The following RIMKLB variants were observed in gnomAD, a reference collection of about 807,000 sequenced individuals.
The protein encoded by RIMKLB is ribosomal modification protein rimK like family member B, also known as beta-citrylglutamate synthase B.
A neutral mutation model predicts 32.0 loss-of-function variants in RIMKLB; 7 were observed. The ratio of observed to expected loss-of-function variants is 0.22; its 90% CI spans 0.12 to 0.41. The LOEUF (loss-of-function observed/expected upper bound fraction) is 0.41. Among genes scored for constraint, RIMKLB ranks in the 10% least tolerant of loss-of-function variants. RIMKLB has a pLI of 1.00. For missense variants in RIMKLB, 289 were observed against 498.7 expected, an observed-to-expected ratio of 0.58 and a Z score of 4.00; for synonymous variants, 172 against 185.1, an observed-to-expected ratio of 0.93 and a Z score of 0.57.
downstream of RIMKLB, chr12:8,777,796 C>G: frequency 1.4e-6 from 1 of 737,438 alleles, no homozygotes; most frequent in South Asian, 4.0e-5. Flanking sequence ...CCCCAGTCTG[C>G]CTACAGGTAA....
At chr12:8,738,985 T>G (rs1184371635) in intron 2 of RIMKLB, among the ~76,000 whole-genome samples, 1 of 152,206 alleles carries the variant, frequency 6.6e-6, no homozygotes, top group Non-Finnish European at 1.5e-5. Flanking sequence ...CTTTGTCACA[T>G]TTGAGGTTAA....
chr12:8,691,548 T>C (rs1942733697), intron 1 of RIMKLB, among the ~76,000 whole-genome samples: 1 of 151,902 alleles, frequency 6.6e-6, no homozygotes, highest in Admixed American at 6.6e-5. Flanking sequence ...AGGCAAAGGT[T>C]GGAGTAGAGA....
chr12:8,679,787 T>G (rs1306602321), upstream of RIMKLB: 1 of 152,124 alleles, frequency 6.6e-6, no homozygotes, highest in Non-Finnish European at 1.5e-5. Flanking sequence ...AAAGATGAGG[T>G]GAGGCCTGAG....
chr12:8,760,114 GC>G (rs1301842860), intron 5 of RIMKLB, among the ~76,000 whole-genome samples: 2 of 151,854 alleles, frequency 1.3e-5, no homozygotes, highest in African/African-American at 4.8e-5. Context: ...CCCACAACAG[GC>G]CCCCGTGTGT....
intron 2 of RIMKLB, among the ~76,000 whole-genome samples, chr12:8,747,350 T>C (rs1453179218): frequency 6.6e-6 from 1 of 152,188 alleles, no homozygotes; most frequent in Non-Finnish European, 1.5e-5. Flanking sequence ...TTTTGCCCCG[T>C]GATTTATGCT....
chr12:8,680,984 T>C (rs112720967), upstream of RIMKLB, among the ~76,000 whole-genome samples: 4,500 of 144,338 alleles, frequency 0.031, 225 homozygotes, highest in African/African-American at 0.1. Context: ...TCTTCAGGTC[T>C]GGTCTTTTTT....
chr12:8,698,496 G>C (rs961474228), intron 1 of RIMKLB, among the ~76,000 whole-genome samples, 199 bp downstream of exon 1: 1 of 152,084 alleles, frequency 6.6e-6, no homozygotes, highest in African/African-American at 2.4e-5. Flanking sequence ...GGGGAGCGAG[G>C]CGGGGCCCGG....
the RIMKLB span, among the ~76,000 whole-genome samples, chr12:8,676,151 C>T: frequency 6.6e-6 from 1 of 152,024 alleles, no homozygotes; most frequent in Non-Finnish European, 1.5e-5. Context: ...TGGCTCACTG[C>T]AGCCTCGACC....
Position 8,773,757 on chromosome 12 carries a change from C to T in RIMKLB, c.1134C>T (p.Ala378=), listed in dbSNP as rs768894613. ...GGLFNMNQLL[A]NEIKLLVD ...TGTTCAACATGAACCAGCTGCTAGC[C>T]AATGAAATCAAACTACTGGTGGACT... The change falls in exon 6 of 6, where the codon GCC becomes GCT. Residue 378 remains alanine (A), a synonymous_variant. Coordinates refer to ENST00000535829, the MANE Select transcript of RIMKLB (RefSeq NM_001297776.2). The T allele has an allele frequency of 6.2e-7, 1 of 1,613,252 alleles. No homozygotes were observed. Among genetic ancestry groups the T allele is most frequent in the South Asian group, 1.1e-5 (1 of 91,062 alleles).
intron 1 of RIMKLB, among the ~76,000 whole-genome samples, chr12:8,684,213 A>C (rs1407509023): frequency 1.3e-5 from 2 of 151,224 alleles, no homozygotes; most frequent in Admixed American, 1.3e-4. Context: ...TCGCTCTGCC[A>C]CCCAGGCTGG....
At chr12:8,742,607 C>T in intron 2 of RIMKLB, 1 of 283,174 alleles carries the variant, frequency 3.5e-6, no homozygotes, top group Non-Finnish European at 6.8e-6. Context: ...GGAGAAGCTT[C>T]TACTGGCAGC....
rs958353115 is a variant in RIMKLB, at chr12:8,741,673, G to A, written c.176-8189G>A. ...CGGGTGCCTGTAGTCCCAGCTACTC[G>A]GGAGGCTGAGGCAGGAGAATGGTGT... On this transcript the variant is annotated intron_variant, in intron 2 of 5. Coordinates refer to ENST00000535829, the MANE Select transcript of RIMKLB (RefSeq NM_001297776.2). Among the ~76,000 whole-genome samples the A allele has an allele frequency of 1.7e-4, 25 of 151,092 alleles. 1 individual carries two copies. The highest frequency in any genetic ancestry group is 5.6e-4 in the African/African-American group (23 of 40,894).
At chr12:8,781,454 A>G (rs1951032779), downstream of RIMKLB, among the ~76,000 whole-genome samples, 1 of 152,238 alleles carries the variant, frequency 6.6e-6, no homozygotes, top group South Asian at 2.1e-4. Context: ...GATCTCTTCC[A>G]GCTGGCTATC....
chr12:8,778,130 T>C (rs1384414193), downstream of RIMKLB, among the ~76,000 whole-genome samples: 4 of 152,204 alleles, frequency 2.6e-5, no homozygotes, highest in African/African-American at 9.6e-5. Context: ...TCTTCCATTG[T>C]GCTACTCTGG....
intron 2 of RIMKLB, chr12:8,742,589 AG>A: frequency 3.2e-6 from 1 of 311,170 alleles, no homozygotes; most frequent in Non-Finnish European, 6.2e-6. Context: ...CAATTTGAAG[AG>A]GACCTGGGAG....
intron 2 of RIMKLB, 137 bp downstream of exon 2, chr12:8,714,178 T>G: frequency 1.5e-6 from 1 of 658,928 alleles, no homozygotes; most frequent in Non-Finnish European, 2.6e-6. Context: ...GTCTAATATA[T>G]TTTATGAAAG....
At chr12:8,692,243 A>T (rs777701952), upstream of RIMKLB, among the ~76,000 whole-genome samples, 1 of 152,238 alleles carries the variant, frequency 6.6e-6, no homozygotes, top group Non-Finnish European at 1.5e-5. Context: ...GCTCAACCTT[A>T]GAATGTTGCT....
At chr12:8,752,137 T>C in intron 4 of RIMKLB, 94 bp downstream of exon 4, 2 of 801,528 alleles carry the variant, frequency 2.5e-6, no homozygotes, top group Non-Finnish European at 2.1e-6. Flanking sequence ...GGGAAATTGT[T>C]AGATGCATGA....
intron 5 of RIMKLB, among the ~76,000 whole-genome samples, chr12:8,771,001 C>T (rs1373139966): frequency 1.3e-5 from 2 of 152,210 alleles, no homozygotes; most frequent in African/African-American, 4.8e-5. Flanking sequence ...TGAAGAGATG[C>T]ATAGGGCAAG....
Sources: gnomAD v4.1 joint callset for allele counts (sites outside exome capture counted in the v4.1 genomes callset) on GRCh38, gnomAD v4.1.1 for gene constraint, MANE v1.5 for transcripts, NCBI Gene and HGNC (gene_info 2026-07-23, HGNC 2026-07-21) for gene names.